Variants in TGIF1 observed in about 807,000 individuals in gnomAD.
TGIF1 encodes the protein TGFB induced factor homeobox 1.
Under a neutral mutation model 19.3 loss-of-function variants are expected in TGIF1, and 4 were observed. That is an observed-to-expected ratio of 0.21 (90% CI 0.10 to 0.47). TGIF1 has a LOEUF of 0.47. TGIF1 is among the 20% of genes least tolerant of loss of function. The pLI is 0.98. For synonymous variants in TGIF1, 122 were observed against 129.3 expected, an observed-to-expected ratio of 0.94 and a Z score of 0.38; for missense variants, 275 against 341.4, an observed-to-expected ratio of 0.81 and a Z score of 1.53.
chr18:3,415,528 C>T (rs528097591), intron 1 of TGIF1: 28 of 432,998 alleles, frequency 6.5e-5, no homozygotes, highest in South Asian at 4.6e-4. Flanking sequence ...GGTGCCAGCA[C>T]CCCCTTTAGA....
upstream of TGIF1, chr18:3,448,715 GTCTTTTT>G (rs1327989567): frequency 0.031 from 13,396 of 431,532 alleles, 239 homozygotes; most frequent in Non-Finnish European, 0.035. Flanking sequence ...GGGCGGGGGT[GTCTTTTT>G]TTTTTTTTTT....
At chr18:3,448,142 A>G (rs926473817), upstream of TGIF1, 14 of 980,206 alleles carry the variant, frequency 1.4e-5, no homozygotes, top group East Asian at 4.8e-4. Flanking sequence ...CGGCCGAGGC[A>G]GCCGAAGCCG....
At position 3,440,908 on chromosome 18, in the gene TGIF1, A is replaced by T. The variant is rs572823360; in HGVS notation, c.-44-15446A>T. On this transcript the variant is annotated intron_variant, in intron 2 of 3. Transcript: ENST00000401449. ...TATCCTTCCAGAAAAATACAGGCAT[A>T]CAAAAATTTTATGCAAAAGGGATAA... Among the ~76,000 whole-genome samples the T allele has an allele frequency of 7.2e-5, 11 of 152,354 alleles. 1 individual carries two copies. Among genetic ancestry groups the T allele is most frequent in the Middle Eastern group, 6.8e-3 (2 of 294 alleles).
At chr18:3,414,619 C>G (rs1455777993) in intron 1 of TGIF1, among the ~76,000 whole-genome samples, 1 of 152,234 alleles carries the variant, frequency 6.6e-6, no homozygotes, top group Non-Finnish European at 1.5e-5. Context: ...TGTGTCCTCT[C>G]TAGACCTCAG....
Position 3,451,065 on chromosome 18 carries a change from AC to A in TGIF1, c.16+565del, listed in dbSNP as rs1193376120. On this transcript the variant is annotated intron_variant, in intron 1 of 2. Transcript: ENST00000343820. This position sits in a 1 kb window ranked among gnomAD's most constrained non-coding sequence, Gnocchi z 5.4. The stretch of plus-strand genomic sequence containing the variant: ...TACGATCGAAGGAATGCGATTCTGG[AC>A]CCCCTCATCGCCCTCGGGTGTAAAC... Among the ~76,000 whole-genome samples, 1 of 147,366 alleles carries A rather than the reference AC, an allele frequency of 6.8e-6. No homozygotes were observed. Among genetic ancestry groups the A allele is most frequent in the African/African-American group, 2.5e-5 (1 of 39,692 alleles).
At chr18:3,422,692 T>TG (rs2082419841) in intron 2 of TGIF1, among the ~76,000 whole-genome samples, 1 of 135,492 alleles carries the variant, frequency 7.4e-6, no homozygotes, top group Non-Finnish European at 1.6e-5. Context: ...TTTTTTTTTT[T>TG]TTTTTTTTTT....
At chr18:3,432,636 C>T (rs1046018049) in intron 2 of TGIF1, among the ~76,000 whole-genome samples, 2 of 152,022 alleles carry the variant, frequency 1.3e-5, no homozygotes, top group Non-Finnish European at 1.5e-5. Context: ...ATATGGGAAA[C>T]GATTATATGT....
intron 1 of TGIF1, chr18:3,455,926 A>G (rs1003233290): frequency 7.5e-6 from 2 of 266,354 alleles, no homozygotes; most frequent in Non-Finnish European, 1.5e-5. Flanking sequence ...GTACATTAGG[A>G]CTGGTTAGGT....
In TGIF1 at chr18:3,457,043, G is replaced by A. The variant is rs1249496603; in HGVS notation, c.244-322G>A. The A allele has an allele frequency of 3.6e-6, 2 of 552,258 alleles. No homozygotes were observed. The highest frequency in any genetic ancestry group is 6.4e-6 in the Non-Finnish European group (2 of 312,698). 34.2% of individuals were successfully genotyped at this position (552,258 alleles called of 1,614,324 possible). On this transcript the variant is annotated intron_variant, in intron 2 of 2. Coordinates refer to ENST00000343820, the MANE Select transcript of TGIF1 (RefSeq NM_003244.4). This position sits in a 1 kb window ranked among gnomAD's most constrained non-coding sequence, Gnocchi z 4.9. ...GGCAGTAGGTGATAGGTTAAAATGG[G>A]GAGAGTTAAAAAGTAAACCTCTCTC...
intron 2 of TGIF1, among the ~76,000 whole-genome samples, chr18:3,419,012 C>T (rs910111042): frequency 5.3e-5 from 8 of 152,094 alleles, no homozygotes; most frequent in Non-Finnish European, 8.8e-5. Context: ...GAGCCGAGAT[C>T]GTGCCATTAC....
chr18:3,433,005 C>T (rs548683618), intron 2 of TGIF1, among the ~76,000 whole-genome samples: 10 of 152,102 alleles, frequency 6.6e-5, no homozygotes, highest in South Asian at 2.1e-4. Context: ...GTCATCCGCC[C>T]GGCTTGGCCT....
Position 3,450,186 on chromosome 18 carries a change from G to T in TGIF1, c.-304G>T. On this transcript the variant is annotated 5_prime_UTR_variant, in exon 1 of 3. Coordinates refer to ENST00000343820, the MANE Select transcript of TGIF1 (RefSeq NM_003244.4). ...TCGCCTCTCTCACTCTGACAGCGCC[G>T]AGGTGCGCCGAGCAGGAGCAGGGAA... The T allele has an allele frequency of 7.4e-7, 1 of 1,342,988 alleles. No individual in the cohort carries two copies. The highest frequency in any genetic ancestry group is 9.6e-7 in the Non-Finnish European group (1 of 1,045,022). The allele number at this position is 1,342,988 out of a possible 1,614,324, so 83.2% of individuals were successfully genotyped here.
chr18:3,417,100 A>C (rs2082342328), intron 1 of TGIF1, among the ~76,000 whole-genome samples: 1 of 152,158 alleles, frequency 6.6e-6, no homozygotes, highest in Non-Finnish European at 1.5e-5. Context: ...TAGTGGTTAA[A>C]ATTTTGTAGC....
chr18:3,442,821 C>G (rs2082691897), intron 2 of TGIF1, among the ~76,000 whole-genome samples: 1 of 152,124 alleles, frequency 6.6e-6, no homozygotes, highest in Non-Finnish European at 1.5e-5. Context: ...TGGGCTCACC[C>G]TCTCAAAGAA....
intron 1 of TGIF1, chr18:3,452,251 C>T (rs1028388866): frequency 3.7e-6 from 6 of 1,609,382 alleles, no homozygotes; most frequent in African/African-American, 2.7e-5. Context: ...TGCCCACAGC[C>T]GCGTGCCCTC....
upstream of TGIF1, among the ~76,000 whole-genome samples, chr18:3,445,723 C>CAAAAAAAAA (rs141550400): frequency 7.9e-4 from 14 of 17,688 alleles, no homozygotes; most frequent in African/African-American, 1.8e-3. Flanking sequence ...GACTCTGTCT[C>CAAAAAAAAA]AAAAAAAAAA....
Position 3,458,862 on chromosome 18 carries a change from T to C in TGIF1, c.*922T>C, listed in dbSNP as rs1049866331. ...GGTACATTTAGTTAAGGCATTTGTA[T>C]TCAAATGTAGCATAGTATTTGCAGA... On this transcript the variant is annotated 3_prime_UTR_variant, in exon 3 of 3. Transcript: ENST00000343820. The C allele has an allele frequency of 6.6e-6, 1 of 152,240 alleles. No homozygotes were observed. Among genetic ancestry groups the C allele is most frequent in the African/African-American group, 2.4e-5 (1 of 41,444 alleles). The allele number at this position is 152,240 out of a possible 1,614,324, so 9.4% of individuals were successfully genotyped here. A position where few individuals can be genotyped will look rare whatever the true frequency, so the allele number is the denominator to read the frequency against.
At chr18:3,416,364 C>CA (rs2082331797) in intron 1 of TGIF1, among the ~76,000 whole-genome samples, 1 of 151,934 alleles carries the variant, frequency 6.6e-6, no homozygotes, top group Non-Finnish European at 1.5e-5. Context: ...GCTAAAAATA[C>CA]AAAAATCAGC....
At chr18:3,447,183 G>GT (rs1345601068), upstream of TGIF1, among the ~76,000 whole-genome samples, 1 of 152,090 alleles carries the variant, frequency 6.6e-6, no homozygotes, top group Non-Finnish European at 1.5e-5. Context: ...GGAACTATGT[G>GT]TGCCTGGAGA....
Sources: gnomAD v4.1 joint callset for allele counts (sites outside exome capture counted in the v4.1 genomes callset) on GRCh38, gnomAD v4.1.1 for gene constraint, Gnocchi (gnomAD v3.1) non-coding constraint, MANE v1.5 for transcripts, NCBI Gene and HGNC (gene_info 2026-07-23, HGNC 2026-07-21) for gene names.